The following PLAUR variants were observed in gnomAD, a reference collection of about 807,000 sequenced individuals.
PLAUR encodes urokinase plasminogen activator surface receptor.
A neutral mutation model predicts 33.4 loss-of-function variants in PLAUR; 22 were observed. The ratio of observed to expected loss-of-function variants is 0.66; its 90% CI spans 0.47 to 0.94. PLAUR has a LOEUF of 0.94. PLAUR is among the 40% of genes least tolerant of loss of function. The probability of loss-of-function intolerance (pLI) is 0.00; values close to 1 mark genes in which losing one functional copy is unlikely to be tolerated. For missense variants in PLAUR, 408 were observed against 434.7 expected, an observed-to-expected ratio of 0.94 and a Z score of 0.55; for synonymous variants, 148 against 167.3, an observed-to-expected ratio of 0.88 and a Z score of 0.89.
At chr19:43,646,329 C>A, downstream of PLAUR, 1 of 615,006 alleles carries the variant, frequency 1.6e-6, no homozygotes, top group Non-Finnish European at 3.0e-6. Flanking sequence ...CTAATATAGC[C>A]AAGTTTCCTG....
intron 1 of PLAUR, among the ~76,000 whole-genome samples, chr19:43,669,827 AAAAAAAG>A (rs1967446681): frequency 6.6e-6 from 1 of 151,798 alleles, no homozygotes; most frequent in African/African-American, 2.4e-5. Context: ...AAAAAAAAAA[AAAAAAAG>A]CACTCACTAA....
At chr19:43,659,167 C>CCTTTTTTTTTTTTTTTTTTTTTTT (rs1713771038) in intron 3 of PLAUR, among the ~76,000 whole-genome samples, 1 of 97,138 alleles carries the variant, frequency 1.0e-5, no homozygotes, top group African/African-American at 4.0e-5. Context: ...CTTTTCTTTT[C>CCTTTTTTTTTTTTTTTTTTTTTTT]TTTTTTTTTT....
intron 3 of PLAUR, among the ~76,000 whole-genome samples, chr19:43,658,804 C>T (rs550715775): frequency 2.2e-4 from 34 of 152,300 alleles, no homozygotes; most frequent in Non-Finnish European, 2.9e-4. Flanking sequence ...AAAGCCCAAT[C>T]GTCCCCCTCA....
Position 43,648,939 on chromosome 19 carries a change from G to C in PLAUR, c.959C>G (p.Thr320Ser), listed in dbSNP as rs753079390. ...CCACAGTCTGGCAGTCATTAGCAGGGTGATGGTGAGGCTGAGATGGGCAGG... is the reference window on the plus strand; with the variant it reads ...CCACAGTCTGGCAGTCATTAGCAGGCTGATGGTGAGGCTGAGATGGGCAGG... ...PGPAHLSLTI[T>S]LLMTARLWGG... is the part of the protein sequence containing the mutation. Residue 320 changes from threonine (T) to serine (S), a missense_variant, in exon 7 of 7, where the codon ACC becomes AGC. By Grantham distance (58) the Thr-to-Ser change is moderately conservative. Transcript: ENST00000340093. 3 of 1,614,180 alleles carry C rather than the reference G, an allele frequency of 1.9e-6. No homozygotes were observed. Among genetic ancestry groups the C allele is most frequent in the Non-Finnish European group, 2.5e-6 (3 of 1,180,016 alleles).
At chr19:43,650,008 C>CTTTTTTTTTTTTTTT (rs200384971) in intron 6 of PLAUR, among the ~76,000 whole-genome samples, 1 of 137,308 alleles carries the variant, frequency 7.3e-6, no homozygotes, top group African/African-American at 3.1e-5. Flanking sequence ...TCTCATTACG[C>CTTTTTTTTTTTTTTT]TTTTTTTTTG....
At chr19:43,655,683 A>G (rs1363258379) in intron 4 of PLAUR, 110 bp from the exon 5 acceptor site, 3 of 933,098 alleles carry the variant, frequency 3.2e-6, no homozygotes, top group Non-Finnish European at 1.6e-6. Flanking sequence ...ACCCTTCATC[A>G]TAAGACCCTC....
At chr19:43,655,763 T>A (rs1974183213) in intron 4 of PLAUR, among the ~76,000 whole-genome samples, 190 bp from the exon 5 acceptor site, 1 of 152,210 alleles carries the variant, frequency 6.6e-6, no homozygotes, top group Non-Finnish European at 1.5e-5. Flanking sequence ...AGTCATGTGA[T>A]GAAGTTCGGA....
intron 3 of PLAUR, among the ~76,000 whole-genome samples, chr19:43,659,115 C>T (rs1032182611): frequency 9.3e-5 from 14 of 150,962 alleles, no homozygotes; most frequent in African/African-American, 2.4e-4. Context: ...CTGGTGTGAA[C>T]TCTTGTAAAT....
downstream of PLAUR, among the ~76,000 whole-genome samples, chr19:43,648,262 A>G (rs4251928): frequency 0.12 from 18,187 of 150,880 alleles, 2,073 homozygotes; most frequent in African/African-American, 0.3. Flanking sequence ...TGCAAGCTCC[A>G]CCTCCCGGAT....
chr19:43,665,739 T>C (rs1329270546), intron 2 of PLAUR, among the ~76,000 whole-genome samples: 1 of 147,334 alleles, frequency 6.8e-6, no homozygotes, highest in East Asian at 2.0e-4. Flanking sequence ...CAATCATAGC[T>C]CACTGGAGCC....
At chr19:43,659,801 C>G (rs537553160) in intron 3 of PLAUR, among the ~76,000 whole-genome samples, 1 of 152,226 alleles carries the variant, frequency 6.6e-6, no homozygotes, top group Non-Finnish European at 1.5e-5. Flanking sequence ...TCTTCTAGCT[C>G]CTTAATCCTT....
chr19:43,651,493 G>A (rs1239075036), intron 6 of PLAUR, among the ~76,000 whole-genome samples: 4 of 150,520 alleles, frequency 2.7e-5, no homozygotes, highest in Non-Finnish European at 5.9e-5. Flanking sequence ...GGAGTGCAGT[G>A]GGGTGATCCC....
chr19:43,648,840 G>A lies in PLAUR; in HGVS notation c.*50C>T, dbSNP rs1436027217. The A allele has an allele frequency of 6.4e-7, 1 of 1,574,778 alleles. No homozygotes were observed. Among genetic ancestry groups the A allele is most frequent in the Non-Finnish European group, 8.7e-7 (1 of 1,153,248 alleles). ...CTGTAGGGCTGGGAGCCGAGGGAAG[G>A]GCAAAGGGGTCCCCCGGATCCAGCC... On this transcript the variant is annotated 3_prime_UTR_variant, in exon 7 of 7. Coordinates refer to ENST00000340093, the MANE Select transcript of PLAUR (RefSeq NM_002659.4).
Position 43,665,403 on chromosome 19 carries a change from T to C in PLAUR, c.223A>G (p.Arg75Gly). 6.2e-7 allele frequency: 1 copy of C among 1,613,590 alleles called. No homozygotes were observed. Residue 75 changes from arginine to glycine, a missense_variant, in exon 3 of 7, where the codon AGG (arginine) becomes GGG (glycine). By Grantham distance (125) the Arg-to-Gly change is moderately radical. Transcript: ENST00000340093. ...AAGCCAGTCCGATAGCTCAGGGTCC[T>C]GTTGGTCTTCTCTGAGTGGGTACAG... The part of the protein sequence containing the change: ...KSCTHSEKTN[R>G]TLSYRTGLKI...
At chr19:43,660,737 C>T (rs1568560304) in intron 3 of PLAUR, 1 of 151,884 alleles carries the variant, frequency 6.6e-6, no homozygotes, top group Non-Finnish European at 1.5e-5. Context: ...GAAATCCTTC[C>T]AAGTAGTTGG....
At chr19:43,661,664 T>A (rs1967003387) in intron 3 of PLAUR, 1 of 152,314 alleles carries the variant, frequency 6.6e-6, no homozygotes, top group Admixed American at 6.5e-5. Context: ...CCCAAAGTGC[T>A]GGGATTACAG....
At chr19:43,652,496 C>T (rs867541594) in intron 5 of PLAUR, 125 bp from the exon 6 acceptor site, 6 of 899,814 alleles carry the variant, frequency 6.7e-6, no homozygotes, top group Non-Finnish European at 1.0e-5. Context: ...TGTGGTCAGG[C>T]GTCTGAATGG....
downstream of PLAUR, among the ~76,000 whole-genome samples, chr19:43,648,098 A>G (rs966751914): frequency 4.6e-5 from 7 of 152,042 alleles, no homozygotes; most frequent in African/African-American, 1.7e-4. Flanking sequence ...GTTTCTGGTC[A>G]GAGAGGGGTT....
intron 3 of PLAUR, chr19:43,661,384 C>A (rs1966986165): frequency 8.0e-6 from 1 of 125,262 alleles, no homozygotes; most frequent in Non-Finnish European, 1.7e-5. Context: ...TCAAGTTTCT[C>A]CTTTCTTTCT....
Sources: allele counts gnomAD v4.1 joint callset (sites outside exome capture counted in the v4.1 genomes callset), GRCh38; gene constraint gnomAD v4.1.1; transcripts MANE v1.5; gene names NCBI Gene and HGNC (gene_info 2026-07-23, HGNC 2026-07-21).